BTBD9: variants seen among roughly 807,000 people sequenced by gnomAD.
The protein encoded by BTBD9 is BTB domain containing 9.
A neutral mutation model predicts 64.3 loss-of-function variants in BTBD9; 49 were observed. The ratio of observed to expected loss-of-function variants is 0.76; its 90% CI spans 0.61 to 0.97. BTBD9 has a LOEUF of 0.97. Ranked by LOEUF, BTBD9 falls within the 50% of genes least tolerant of loss-of-function variation. The pLI, the probability that BTBD9 is intolerant of heterozygous loss-of-function variation, is 0.00. For synonymous variants in BTBD9, 260 were observed against 274.7 expected, an observed-to-expected ratio of 0.95 and a Z score of 0.53; for missense variants, 598 against 762.1, an observed-to-expected ratio of 0.78 and a Z score of 2.53.
chr6:38,282,929 C>G (rs1028041735), intron 8 of BTBD9, among the ~76,000 whole-genome samples: 1 of 152,206 alleles, frequency 6.6e-6, no homozygotes, highest in Non-Finnish European at 1.5e-5. Flanking sequence ...TCCCCTCAAC[C>G]CCACTAGAAT....
chr6:38,309,896 G>A (rs1762765805), intron 7 of BTBD9, among the ~76,000 whole-genome samples: 1 of 151,998 alleles, frequency 6.6e-6, no homozygotes, highest in Non-Finnish European at 1.5e-5. Flanking sequence ...ATTAAATGGA[G>A]CTGGGTATGC....
chr6:38,345,107 G>A lies in BTBD9; in HGVS notation c.1155-14C>T. Reference sequence around the variant, plus strand: ...ATTCGAATATACCTGACGGTAAAAAGAAAAGAAAATGTGTTGAAAATGAGC... The same window carrying A: ...ATTCGAATATACCTGACGGTAAAAAAAAAAGAAAATGTGTTGAAAATGAGC... On this transcript the variant is annotated splice_polypyrimidine_tract_variant and intron_variant, in intron 6 of 10. Coordinates refer to ENST00000481247, the MANE Select transcript of BTBD9 (RefSeq NM_001099272.2). 5 of 1,551,752 alleles carry A rather than the reference G, an allele frequency of 3.2e-6. No homozygotes were observed. The highest frequency in any genetic ancestry group is 4.4e-6 in the Non-Finnish European group (5 of 1,131,374).
intron 6 of BTBD9, among the ~76,000 whole-genome samples, chr6:38,361,235 T>A (rs1385037887): frequency 6.6e-6 from 1 of 152,156 alleles, no homozygotes; most frequent in Non-Finnish European, 1.5e-5. Flanking sequence ...ATACCCATAG[T>A]CAGACATAAA....
chr6:38,276,333 C>T (rs1761239762), intron 8 of BTBD9, among the ~76,000 whole-genome samples: 1 of 145,502 alleles, frequency 6.9e-6, no homozygotes, highest in South Asian at 2.3e-4. Context: ...GAACATCACA[C>T]TCCGGGGACT....
chr6:38,616,610 C>T (rs974450313), intron 1 of BTBD9, among the ~76,000 whole-genome samples: 1 of 152,108 alleles, frequency 6.6e-6, no homozygotes, highest in Non-Finnish European at 1.5e-5. Flanking sequence ...TTGTAAATTG[C>T]ACCAATCAGT....
chr6:38,374,509 T>C (rs1010578947), intron 6 of BTBD9, among the ~76,000 whole-genome samples: 4 of 151,418 alleles, frequency 2.6e-5, no homozygotes, highest in Non-Finnish European at 4.4e-5. Flanking sequence ...CACTTCAGCC[T>C]CCCACAGTTC....
At chr6:38,514,621 A>G (rs1168584037) in intron 6 of BTBD9, among the ~76,000 whole-genome samples, 1 of 152,240 alleles carries the variant, frequency 6.6e-6, no homozygotes, top group Admixed American at 6.5e-5. Flanking sequence ...ATATCTTCAC[A>G]GAACCAACCA....
intron 7 of BTBD9, among the ~76,000 whole-genome samples, chr6:38,344,443 C>T (rs764348): frequency 0.037 from 5,529 of 151,034 alleles, 175 homozygotes; most frequent in East Asian, 0.11. Flanking sequence ...TCAAAAGTGA[C>T]AATTCAGTCA....
At chr6:38,409,042 G>T (rs1767292907) in intron 6 of BTBD9, among the ~76,000 whole-genome samples, 1 of 152,188 alleles carries the variant, frequency 6.6e-6, no homozygotes. Context: ...TTGAGGCCAG[G>T]AGTTCGAGCC....
chr6:38,607,092 G>C (rs1777454857), intron 1 of BTBD9, among the ~76,000 whole-genome samples: 1 of 152,032 alleles, frequency 6.6e-6, no homozygotes, highest in Non-Finnish European at 1.5e-5. Flanking sequence ...AATTCTCTTT[G>C]GAAAGATTAT....
At chr6:38,345,661 G>A (rs1178666345) in intron 6 of BTBD9, among the ~76,000 whole-genome samples, 3 of 152,016 alleles carry the variant, frequency 2.0e-5, no homozygotes, top group South Asian at 4.1e-4. Flanking sequence ...ATATACTTAC[G>A]CCAGCCCCCC....
intron 9 of BTBD9, among the ~76,000 whole-genome samples, chr6:38,238,260 T>G (rs557751760): frequency 2.8e-4 from 42 of 152,324 alleles, no homozygotes; most frequent in Non-Finnish European, 5.0e-4. Context: ...GGTGGTCATT[T>G]GGGGCACAGC....
At chr6:38,230,439 G>A (rs555371685) in intron 9 of BTBD9, among the ~76,000 whole-genome samples, 27 of 144,044 alleles carry the variant, frequency 1.9e-4, no homozygotes, top group African/African-American at 6.9e-4. Flanking sequence ...AGGTTGTGGT[G>A]AGCCGAGATC....
chr6:38,307,608 G>T (rs1464092996), intron 7 of BTBD9, among the ~76,000 whole-genome samples: 3 of 152,194 alleles, frequency 2.0e-5, no homozygotes, highest in Non-Finnish European at 2.9e-5. Flanking sequence ...TCCCCTAATC[G>T]ATTTTTCCTT....
intron 6 of BTBD9, among the ~76,000 whole-genome samples, chr6:38,522,035 T>C (rs1249521710): frequency 6.6e-6 from 1 of 152,158 alleles, no homozygotes; most frequent in Non-Finnish European, 1.5e-5. Flanking sequence ...TTTTCAGTCA[T>C]GCCCTGTCCT....
rs1469029291 is a variant in BTBD9, at chr6:38,577,712, A to C, written c.1042T>G (p.Ser348Ala). Residue 348 changes from serine (S) to alanine (A), a missense_variant, in exon 6 of 11, where the codon TCA becomes GCA. By Grantham distance (99) the Ser-to-Ala change is moderately conservative. Transcript: ENST00000481247. The stretch of plus-strand genomic sequence containing the variant: ...TCCATTGACACTTCAATGAAGTATG[A>C]GTAAGACCTGTGAATCAAAAGGAAA... ...LLWDRDSRSY[S>A]YFIEVSMDEL... 1 of 1,604,598 alleles carries C rather than the reference A, an allele frequency of 6.2e-7. No individual in the cohort carries two copies. Among genetic ancestry groups the C allele is most frequent in the African/African-American group, 1.3e-5 (1 of 74,660 alleles).
intron 7 of BTBD9, among the ~76,000 whole-genome samples, chr6:38,313,484 T>C (rs540098132): frequency 6.6e-6 from 1 of 152,194 alleles, no homozygotes; most frequent in Non-Finnish European, 1.5e-5. Context: ...TGATTTCAGT[T>C]TTTCCCCATC....
intron 6 of BTBD9, among the ~76,000 whole-genome samples, chr6:38,360,999 C>T (rs1764931692): frequency 6.6e-6 from 1 of 152,194 alleles, no homozygotes; most frequent in African/African-American, 2.4e-5. Flanking sequence ...CTAATGGCAT[C>T]CCTTTCCAGT....
chr6:38,422,487 T>C (rs921701363), intron 6 of BTBD9, among the ~76,000 whole-genome samples: 12 of 152,216 alleles, frequency 7.9e-5, no homozygotes, highest in African/African-American at 2.9e-4. Flanking sequence ...GGTTATATTT[T>C]CTATAAATTT....
Sources: gnomAD v4.1 joint callset for allele counts (sites outside exome capture counted in the v4.1 genomes callset) on GRCh38, gnomAD v4.1.1 for gene constraint, MANE v1.5 for transcripts, NCBI Gene and HGNC (gene_info 2026-07-23, HGNC 2026-07-21) for gene names.